Variants in CHODL observed in about 807,000 individuals in gnomAD.
CHODL encodes chondrolectin.
A neutral mutation model predicts 34.5 loss-of-function variants in CHODL; 29 were observed. The observed-to-expected ratio is 0.84, with a 90% CI of 0.63 to 1.15. CHODL has a LOEUF of 1.15. CHODL is among the 50% of genes most tolerant of loss of function. CHODL has a pLI of 0.00. For missense variants in CHODL, 332 were observed against 332.5 expected (o/e 1.00, Z 0.01); for synonymous variants, 125 against 116.1 (o/e 1.08, Z -0.49).
intron 2 of CHODL, among the ~76,000 whole-genome samples, chr21:18,214,419 A>G (rs1370247867): frequency 3.3e-5 from 5 of 152,068 alleles, no homozygotes; most frequent in Non-Finnish European, 5.9e-5. Flanking sequence ...TTATCTTTCA[A>G]TCGCTCTAGC....
intron 2 of CHODL, among the ~76,000 whole-genome samples, chr21:18,054,468 A>T (rs1002327279): frequency 3.3e-5 from 5 of 152,024 alleles, no homozygotes; most frequent in African/African-American, 1.2e-4. Flanking sequence ...GTCATGGATG[A>T]ACCTGGAGGA....
At chr21:18,020,378 TC>T (rs2064117037) in intron 1 of CHODL, among the ~76,000 whole-genome samples, 1 of 152,164 alleles carries the variant, frequency 6.6e-6, no homozygotes, top group African/African-American at 2.4e-5. Context: ...CAAGCACATG[TC>T]AAATTATTTG....
chr21:18,181,626 G>T (rs372205340), intron 2 of CHODL, among the ~76,000 whole-genome samples: 1 of 152,130 alleles, frequency 6.6e-6, no homozygotes, highest in African/African-American at 2.4e-5. Flanking sequence ...TCCTGACCTC[G>T]TGATCCGACT....
At chr21:18,239,902 A>G (rs1027619725), upstream of CHODL, among the ~76,000 whole-genome samples, 3 of 152,080 alleles carry the variant, frequency 2.0e-5, no homozygotes, top group Non-Finnish European at 4.4e-5. Flanking sequence ...AAATCAAACC[A>G]TTGTCATTTT....
intron 2 of CHODL, among the ~76,000 whole-genome samples, chr21:18,183,264 G>A (rs1453110940): frequency 6.6e-6 from 1 of 152,160 alleles, no homozygotes; most frequent in Non-Finnish European, 1.5e-5. Context: ...TCTAATAGGA[G>A]ATTGAACCAG....
chr21:18,190,303 T>C (rs1238798702), intron 2 of CHODL, among the ~76,000 whole-genome samples: 1 of 152,204 alleles, frequency 6.6e-6, no homozygotes, highest in Non-Finnish European at 1.5e-5. Flanking sequence ...CAAATCCTTT[T>C]GAATGAAAGC....
intron 2 of CHODL, among the ~76,000 whole-genome samples, chr21:18,058,981 C>G (rs1269305678): frequency 6.6e-6 from 1 of 152,154 alleles, no homozygotes; most frequent in Non-Finnish European, 1.5e-5. Context: ...GAAGTTACAT[C>G]CCTGACCTGG....
At chr21:18,153,249 T>C (rs2146630703) in intron 2 of CHODL, among the ~76,000 whole-genome samples, 1 of 152,274 alleles carries the variant, frequency 6.6e-6, no homozygotes, top group South Asian at 2.1e-4. Context: ...CTGGAGGCTC[T>C]GGGGATAAGT....
intron 2 of CHODL, among the ~76,000 whole-genome samples, chr21:18,187,624 A>G (rs193205273): frequency 2.0e-5 from 3 of 152,226 alleles, no homozygotes; most frequent in Admixed American, 1.3e-4. Context: ...ATAGAAGTTG[A>G]TGGATGTTTT....
At chr21:18,009,591 T>C (rs1274024397) in intron 1 of CHODL, among the ~76,000 whole-genome samples, 1 of 152,178 alleles carries the variant, frequency 6.6e-6, no homozygotes, top group Admixed American at 6.5e-5. Context: ...TAATTGAAAT[T>C]AACAATACAT....
At chr21:18,068,383 A>G (rs1450859782) in intron 2 of CHODL, among the ~76,000 whole-genome samples, 1 of 151,958 alleles carries the variant, frequency 6.6e-6, no homozygotes, top group Non-Finnish European at 1.5e-5. Context: ...TTTTAGTAGG[A>G]ACAGGGTTTC....
chr21:18,244,328 G>A (rs950847297), upstream of CHODL, among the ~76,000 whole-genome samples: 5 of 152,112 alleles, frequency 3.3e-5, no homozygotes, highest in African/African-American at 1.2e-4. Context: ...GGCAGTTTTC[G>A]TCAAACAACC....
rs181914251 is a variant in CHODL at position 18,064,149 on chromosome 21, T to C, written c.-45+36178T>C. ...CACAATTACAATATATTTTAAATTG[T>C]GTCATATCCATAAGTCATACCCTTA... is the stretch of plus-strand genomic sequence containing the variant. On this transcript the variant is annotated intron_variant, in intron 2 of 6. Transcript: ENST00000400127. Among the ~76,000 whole-genome samples, 448 of 152,318 alleles carry C rather than the reference T, an allele frequency of 2.9e-3. 1 individual carries two copies. Among genetic ancestry groups the C allele is most frequent in the Non-Finnish European group, 5.4e-3 (368 of 68,024 alleles).
intron 1 of CHODL, among the ~76,000 whole-genome samples, chr21:18,019,085 G>A (rs186605004): frequency 6.6e-6 from 1 of 152,194 alleles, no homozygotes; most frequent in African/African-American, 2.4e-5. Context: ...ATGATTATTT[G>A]TAGAGTTTTT....
At chr21:18,083,879 C>T (rs1359152604) in intron 2 of CHODL, among the ~76,000 whole-genome samples, 8 of 152,162 alleles carry the variant, frequency 5.3e-5, no homozygotes, top group Admixed American at 5.2e-4. Flanking sequence ...AGACTTTGGA[C>T]TTGGACATTT....
intron 2 of CHODL, among the ~76,000 whole-genome samples, chr21:18,214,060 CT>C (rs1360057000): frequency 6.6e-6 from 1 of 152,074 alleles, no homozygotes; most frequent in African/African-American, 2.4e-5. Flanking sequence ...TCTAAAGTCA[CT>C]TTTTTTCTAT....
chr21:18,166,748 T>A (rs1366720512), intron 2 of CHODL, among the ~76,000 whole-genome samples: 1 of 152,142 alleles, frequency 6.6e-6, no homozygotes, highest in Non-Finnish European at 1.5e-5. Flanking sequence ...ACTGAATTCT[T>A]TTGTACTATA....
chr21:18,125,058 A>T (rs1334478461), intron 2 of CHODL, among the ~76,000 whole-genome samples: 1 of 152,218 alleles, frequency 6.6e-6, no homozygotes, highest in Non-Finnish European at 1.5e-5. Flanking sequence ...CACATAAATC[A>T]AGAATGGTAC....
intron 1 of CHODL, among the ~76,000 whole-genome samples, chr21:18,247,316 G>T (rs994161266): frequency 3.3e-5 from 5 of 152,122 alleles, no homozygotes; most frequent in Admixed American, 3.3e-4. Context: ...GAACATACTT[G>T]CAACGTATGG....
Sources: gnomAD v4.1 joint callset for allele counts (sites outside exome capture counted in the v4.1 genomes callset) on GRCh38, gnomAD v4.1.1 for gene constraint, MANE v1.5 for transcripts, NCBI Gene and HGNC (gene_info 2026-07-23, HGNC 2026-07-21) for gene names.